ANO3: variants seen among roughly 807,000 people sequenced by gnomAD.
ANO3 encodes the protein anoctamin 3, also known as anoctamin-3.
Under a neutral mutation model 144.8 loss-of-function variants are expected in ANO3, and 99 were observed. That is an observed-to-expected ratio of 0.68 (90% CI 0.58 to 0.81). The LOEUF (loss-of-function observed/expected upper bound fraction) is 0.81. Ranked by LOEUF, ANO3 falls within the 30% of genes least tolerant of loss-of-function variation. The pLI is 0.00. For synonymous variants in ANO3, 414 were observed against 392.6 expected (o/e 1.05, Z -0.64); for missense variants, 905 against 1,202.2 (o/e 0.75, Z 3.66).
chr11:26,661,594 T>G lies in ANO3; in HGVS notation c.*1150T>G, dbSNP rs1158972371. The G allele has an allele frequency of 1.3e-5, 2 of 152,508 alleles. No homozygotes were observed. The highest frequency in any genetic ancestry group is 4.8e-5 in the African/African-American group (2 of 41,586). 9.4% of individuals were successfully genotyped at this position (152,508 alleles called of 1,614,324 possible). On this transcript the variant is annotated 3_prime_UTR_variant, in exon 27 of 27. Coordinates refer to ENST00000256737, the MANE Select transcript of ANO3 (RefSeq NM_031418.4). ...AAGAAAAAACATTTGTGTTTTAGTT[T>G]CTTTTTTCATGACTGAAGGGAGTTT... is the stretch of plus-strand genomic sequence containing the variant.
At chr11:26,239,355 C>A (rs944088775) in intron 1 of ANO3, among the ~76,000 whole-genome samples, 2 of 152,138 alleles carry the variant, frequency 1.3e-5, no homozygotes, top group African/African-American at 2.4e-5. Flanking sequence ...TTTTCATCTT[C>A]ACTTACAGTC....
At chr11:26,496,094 A>AT (rs908496537) in intron 4 of ANO3, among the ~76,000 whole-genome samples, 21 of 152,004 alleles carry the variant, frequency 1.4e-4, no homozygotes, top group African/African-American at 4.1e-4. Flanking sequence ...TGTTTCAGAG[A>AT]TTTTTTTTCC....
intron 10 of ANO3, among the ~76,000 whole-genome samples, chr11:26,539,069 GGAA>G (rs950699653): frequency 6.6e-6 from 1 of 151,080 alleles, no homozygotes; most frequent in Non-Finnish European, 1.5e-5. Context: ...GTGGCTAGAG[GGAA>G]GAAGAAGAAA....
At chr11:26,273,882 G>A (rs1450741628) in intron 1 of ANO3, among the ~76,000 whole-genome samples, 2 of 152,108 alleles carry the variant, frequency 1.3e-5, no homozygotes, top group African/African-American at 4.8e-5. Context: ...TTGAAGGAAA[G>A]CAAATCATAT....
At chr11:26,449,036 T>G (rs905869239) in intron 3 of ANO3, among the ~76,000 whole-genome samples, 1 of 152,170 alleles carries the variant, frequency 6.6e-6, no homozygotes, top group African/African-American at 2.4e-5. Context: ...GGTTTCCCAT[T>G]ACATTTAAAA....
intron 1 of ANO3, among the ~76,000 whole-genome samples, chr11:26,380,457 G>A (rs1326492399): frequency 1.3e-5 from 2 of 152,164 alleles, no homozygotes; most frequent in Admixed American, 6.6e-5. Flanking sequence ...TGGAGGCTGG[G>A]AAGTCCAAGA....
chr11:26,384,743 C>A (rs1232912785), intron 1 of ANO3, among the ~76,000 whole-genome samples: 1 of 152,116 alleles, frequency 6.6e-6, no homozygotes, highest in African/African-American at 2.4e-5. Context: ...TTCTCACTGG[C>A]CTTTGTGCTT....
chr11:26,347,025 T>C (rs767766483), intron 1 of ANO3, among the ~76,000 whole-genome samples: 1 of 152,224 alleles, frequency 6.6e-6, no homozygotes, highest in Non-Finnish European at 1.5e-5. Context: ...CCCATATTTA[T>C]GTTTTGGAAG....
chr11:26,372,668 A>G (rs1264773736), intron 1 of ANO3, among the ~76,000 whole-genome samples: 1 of 152,218 alleles, frequency 6.6e-6, no homozygotes, highest in Admixed American at 6.5e-5. Context: ...TACACCAAAC[A>G]TACAAAAAAT....
intron 1 of ANO3, among the ~76,000 whole-genome samples, chr11:26,321,280 T>C (rs1468761380): frequency 2.6e-5 from 4 of 152,020 alleles, no homozygotes; most frequent in Admixed American, 2.6e-4. Context: ...TTGATAGACT[T>C]CCGTAACATT....
intron 20 of ANO3, among the ~76,000 whole-genome samples, chr11:26,638,858 T>C (rs1853052891): frequency 6.6e-6 from 1 of 152,222 alleles, no homozygotes; most frequent in Admixed American, 6.5e-5. Context: ...TAGCATTCAT[T>C]AAATGTGATC....
At chr11:26,457,998 A>G (rs1050452842) in intron 3 of ANO3, among the ~76,000 whole-genome samples, 6 of 152,156 alleles carry the variant, frequency 3.9e-5, no homozygotes, top group African/African-American at 1.4e-4. Flanking sequence ...TTTGGGAAAA[A>G]TAGGTTACTG....
rs562147390 is a variant in ANO3 at position 26,656,572 on chromosome 11, T to C, written c.2763+91T>C. On this transcript the variant is annotated intron_variant, in intron 26 of 26. Transcript: ENST00000256737. ...CTCTTTGAAATCAGTTCCTCAGACT[T>C]CCATAAAAACACTTAAGTAGGTCCC... The C allele has an allele frequency of 4.4e-4, 372 of 848,424 alleles. 2 individuals carry two copies. Among genetic ancestry groups the C allele is most frequent in the Non-Finnish European group, 3.1e-5 (16 of 510,836 alleles). 52.6% of individuals were successfully genotyped at this position (848,424 alleles called of 1,614,324 possible).
At chr11:26,486,453 T>A (rs1346840232) in intron 4 of ANO3, among the ~76,000 whole-genome samples, 2 of 151,864 alleles carry the variant, frequency 1.3e-5, no homozygotes, top group South Asian at 2.1e-4. Context: ...GCTATAGCCA[T>A]GTTTGAGTTT....
chr11:26,260,065 T>G (rs1414451965), intron 1 of ANO3, among the ~76,000 whole-genome samples: 1 of 148,722 alleles, frequency 6.7e-6, no homozygotes, highest in Non-Finnish European at 1.5e-5. Flanking sequence ...TTTTTTTTTT[T>G]GATGTACAAA....
At chr11:26,500,398 G>T (rs745948208) in intron 4 of ANO3, among the ~76,000 whole-genome samples, 2 of 151,982 alleles carry the variant, frequency 1.3e-5, no homozygotes. Flanking sequence ...CAAAGATTCT[G>T]CACTGCTTTG....
chr11:26,440,971 A>G (rs1405271204), intron 1 of ANO3, among the ~76,000 whole-genome samples: 3 of 152,058 alleles, frequency 2.0e-5, no homozygotes, highest in Non-Finnish European at 2.9e-5. Flanking sequence ...CACACAGTGT[A>G]GGGGGACTTC....
chr11:26,520,212 C>G (rs1023649925), intron 6 of ANO3, among the ~76,000 whole-genome samples: 4 of 152,120 alleles, frequency 2.6e-5, no homozygotes, highest in Non-Finnish European at 1.5e-5. Flanking sequence ...GAGCTTAGGT[C>G]TTTGGGCTGT....
At chr11:26,630,197 T>C (rs12270321) in intron 18 of ANO3, among the ~76,000 whole-genome samples, 20,966 of 152,196 alleles carry the variant, frequency 0.14, 1,907 homozygotes, top group African/African-American at 0.26. Context: ...GGCCCACAAA[T>C]AAATGTGTTG....
Sources: gnomAD v4.1 joint callset for allele counts (sites outside exome capture counted in the v4.1 genomes callset) on GRCh38, gnomAD v4.1.1 for gene constraint, MANE v1.5 for transcripts, NCBI Gene and HGNC (gene_info 2026-07-23, HGNC 2026-07-21) for gene names.